Variants in CTNNAL1 observed in about 807,000 individuals in gnomAD.
CTNNAL1 encodes catenin alpha like 1.
In CTNNAL1, 69 loss-of-function variants were observed where a neutral mutation model predicts 93.6. The ratio of observed to expected loss-of-function variants is 0.74; its 90% confidence interval spans 0.61 to 0.90. The LOEUF is 0.90. Among genes scored for constraint, CTNNAL1 ranks in the 40% least tolerant of loss-of-function variants. CTNNAL1 has a pLI of 0.00. For missense variants in CTNNAL1, 836 were observed against 862.0 expected (o/e 0.97, Z 0.38); for synonymous variants, 286 against 305.4 (o/e 0.94, Z 0.66).
intron 11 of CTNNAL1, 131 bp from the exon 12 acceptor site, chr9:108,955,958 A>G (rs1188961216): frequency 7.5e-6 from 4 of 534,612 alleles, no homozygotes; most frequent in African/African-American, 2.0e-5. Context: ...CAGTCTATTC[A>G]TTACATAAAA....
chr9:108,954,848 A>G (rs1830652210), intron 12 of CTNNAL1, among the ~76,000 whole-genome samples: 1 of 152,118 alleles, frequency 6.6e-6, no homozygotes, highest in African/African-American at 2.4e-5. Context: ...TCCCACTATC[A>G]TTTCTAAAAT....
chr9:109,012,101 T>C (rs536509412), intron 1 of CTNNAL1, among the ~76,000 whole-genome samples: 3 of 152,328 alleles, frequency 2.0e-5, no homozygotes, highest in Admixed American at 6.5e-5. Context: ...TCAGATATAT[T>C]CATCACTGCT....
chr9:108,967,360 A>G (rs555697691), intron 10 of CTNNAL1, among the ~76,000 whole-genome samples: 3 of 151,088 alleles, frequency 2.0e-5, no homozygotes, highest in Admixed American at 1.3e-4. Flanking sequence ...TTGTTGTTCC[A>G]TGGAGTTGAT....
At position 109,013,156 on chromosome 9, in the gene CTNNAL1, C is replaced by T. The variant is rs555819760; in HGVS notation, c.141+146G>A. ...CCCGGGCCGAGGCCCGTCCCGGAGCCCCACACAGGCGGTCCGACAAGAACG... is the reference window on the plus strand; with the variant it reads ...CCCGGGCCGAGGCCCGTCCCGGAGCTCCACACAGGCGGTCCGACAAGAACG... On this transcript the variant is annotated intron_variant, in intron 1 of 18. Transcript: ENST00000325551. 2.7e-4 allele frequency: 285 copies of T among 1,049,666 alleles called. No homozygotes were observed. In the African/African-American group the frequency reaches 3.6e-3, roughly 13 times the overall value. 65.0% of individuals were successfully genotyped at this position (1,049,666 alleles called of 1,614,324 possible).
intron 2 of CTNNAL1, among the ~76,000 whole-genome samples, chr9:108,996,492 T>C (rs1216122352): frequency 6.6e-6 from 1 of 152,176 alleles, no homozygotes; most frequent in African/African-American, 2.4e-5. Context: ...AGATGACATG[T>C]GGAGCCCATG....
chr9:108,990,518 G>A lies in CTNNAL1; in HGVS notation c.639+208C>T, dbSNP rs533570054. Among the ~76,000 whole-genome samples the A allele has an allele frequency of 4.6e-5, 7 of 152,164 alleles. No individual in the cohort carries two copies. In the South Asian group the frequency reaches 1.2e-3, roughly 27 times the overall value. ...TATGACCTTTCCCAGTGTGTGAGGT[G>A]GGAACAAAATTAACTGTTATAAATG... On this transcript the variant is annotated intron_variant, in intron 4 of 18. Coordinates refer to ENST00000325551, the MANE Select transcript of CTNNAL1 (RefSeq NM_003798.4).
chr9:108,961,251 G>T (rs1358227373), intron 11 of CTNNAL1, among the ~76,000 whole-genome samples: 2 of 152,234 alleles, frequency 1.3e-5, no homozygotes, highest in Middle Eastern at 3.2e-3. Context: ...GTGGGCAGGT[G>T]CAAGGTAATG....
intron 6 of CTNNAL1, among the ~76,000 whole-genome samples, chr9:108,981,445 A>G (rs1001532750): frequency 3.3e-5 from 5 of 150,448 alleles, no homozygotes; most frequent in Non-Finnish European, 7.4e-5. Flanking sequence ...GGGTTCTACC[A>G]CTTACTAGCT....
At chr9:108,968,921 TA>T (rs1222973425) in intron 10 of CTNNAL1, among the ~76,000 whole-genome samples, 3 of 151,508 alleles carry the variant, frequency 2.0e-5, no homozygotes, top group Admixed American at 6.6e-5. Context: ...AAATAATATT[TA>T]AAAAAATAAA....
rs184673433 is a variant in CTNNAL1, at chr9:108,943,796, A to C, written c.1962T>G (p.Leu654=). The change falls in exon 17 of 19, where the codon CTT becomes CTG. Residue 654 remains leucine, a synonymous_variant. Transcript: ENST00000325551. ...FSKQLKDDDK[L]MLLLEINKLI... ...GCTTGTTTATTTCCAGGAGAAGCAT[A>C]AGCTTGTCATCGTCTTTCAGCTGAA... 1.9e-6 allele frequency: 3 copies of C among 1,613,544 alleles called. No homozygotes were observed. Among genetic ancestry groups the C allele is most frequent in the Non-Finnish European group, 2.5e-6 (3 of 1,179,852 alleles).
At chr9:108,981,715 C>T (rs554326446) in intron 6 of CTNNAL1, among the ~76,000 whole-genome samples, 19 of 152,034 alleles carry the variant, frequency 1.2e-4, no homozygotes, top group Non-Finnish European at 2.2e-4. Context: ...ACCTGAGGTC[C>T]GGAGTTCGAG....
intron 11 of CTNNAL1, among the ~76,000 whole-genome samples, chr9:108,956,838 GCTAGTCTGTACTGAGATGTGTACAT>G (rs1420565168): frequency 2.0e-5 from 3 of 152,100 alleles, no homozygotes; most frequent in South Asian, 2.1e-4. Context: ...TTGAAATGTG[GCTAGTCTGTACTGAGATGTGTACAT>G]CTAGTCTGTA....
intron 1 of CTNNAL1, among the ~76,000 whole-genome samples, chr9:109,004,570 G>A (rs1265461708): frequency 6.6e-6 from 1 of 152,078 alleles, no homozygotes; most frequent in African/African-American, 2.4e-5. Context: ...GGCGGATCAC[G>A]AGGTCAGGAA....
At chr9:108,946,230 C>T (rs1412350925) in intron 15 of CTNNAL1, among the ~76,000 whole-genome samples, 6 of 148,270 alleles carry the variant, frequency 4.0e-5, no homozygotes, top group South Asian at 2.1e-4. Flanking sequence ...ACCCGGGAGG[C>T]GGAGGCTGTA....
intron 3 of CTNNAL1, among the ~76,000 whole-genome samples, chr9:108,992,390 CTT>C (rs76492886): frequency 1.4e-4 from 20 of 139,832 alleles, no homozygotes; most frequent in Non-Finnish European, 1.3e-4. Flanking sequence ...AAGAACTTTT[CTT>C]TTTTTTTTTT....
intron 1 of CTNNAL1, among the ~76,000 whole-genome samples, chr9:109,001,102 G>A (rs1030042211): frequency 8.0e-5 from 12 of 150,306 alleles, no homozygotes; most frequent in African/African-American, 2.2e-4. Context: ...AACCCAGGAG[G>A]TGGGTGTTGC....
In CTNNAL1 at chr9:108,949,082, A is replaced by C. The variant is rs940053010; in HGVS notation, c.1836-848T>G. 2.6e-5 allele frequency among the ~76,000 whole-genome samples: 4 copies of C among 152,348 alleles called. 1 individual carries two copies. In the South Asian group the frequency reaches 6.2e-4, roughly 24 times the overall value. Reference sequence around the variant, plus strand: ...ATTATTAAGAAATATGAATGATTACATGTAAATCATTAAGAAATCATATAA... The same window carrying C: ...ATTATTAAGAAATATGAATGATTACCTGTAAATCATTAAGAAATCATATAA... On this transcript the variant is annotated intron_variant, in intron 14 of 18. Transcript: ENST00000325551.
At chr9:108,964,125 T>C (rs1231108268) in intron 11 of CTNNAL1, among the ~76,000 whole-genome samples, 1 of 152,248 alleles carries the variant, frequency 6.6e-6, no homozygotes, top group Non-Finnish European at 1.5e-5. Context: ...TTGGCTCATA[T>C]GAAAATCTAT....
intron 1 of CTNNAL1, among the ~76,000 whole-genome samples, chr9:109,006,932 C>T (rs1827045289): frequency 6.6e-6 from 1 of 152,016 alleles, no homozygotes; most frequent in Non-Finnish European, 1.5e-5. Flanking sequence ...ATAATTGTAC[C>T]CATCAGCCAG....
Sources: allele counts gnomAD v4.1 joint callset (sites outside exome capture counted in the v4.1 genomes callset), GRCh38; gene constraint gnomAD v4.1.1; transcripts MANE v1.5; gene names NCBI Gene and HGNC (gene_info 2026-07-23, HGNC 2026-07-21).